FGF14: variants seen among roughly 807,000 people sequenced by gnomAD.
The protein encoded by FGF14 is fibroblast growth factor homologous factor 4.
Under a neutral mutation model 25.5 loss-of-function variants are expected in FGF14, and 5 were observed. The ratio of observed to expected loss-of-function variants is 0.20; its 90% confidence interval spans 0.10 to 0.41. FGF14 has a LOEUF of 0.41. Ranked by LOEUF, FGF14 falls within the 10% of genes least tolerant of loss-of-function variation. FGF14 has a pLI of 1.00. For synonymous variants in FGF14, 138 were observed against 118.3 expected, an observed-to-expected ratio of 1.17 and a Z score of -1.08; for missense variants, 222 against 320.1, an observed-to-expected ratio of 0.69 and a Z score of 2.34.
intron 1 of FGF14, among the ~76,000 whole-genome samples, chr13:102,275,956 C>T (rs1054369797): frequency 4.6e-5 from 7 of 151,898 alleles, no homozygotes; most frequent in African/African-American, 1.7e-4. Flanking sequence ...AGTAAAAAAA[C>T]AAACAAAACA....
chr13:101,764,045 G>A (rs762066081), intron 3 of FGF14, among the ~76,000 whole-genome samples: 1 of 152,172 alleles, frequency 6.6e-6, no homozygotes, highest in Non-Finnish European at 1.5e-5. Flanking sequence ...AACAGCAGCT[G>A]ACCAAAGTGG....
chr13:102,274,314 G>A (rs1415057), intron 1 of FGF14, among the ~76,000 whole-genome samples: 117,979 of 152,196 alleles, frequency 0.78, 46,603 homozygotes, highest in African/African-American at 0.93. Context: ...TCTGAGTGTC[G>A]GAAAGATTTT....
intron 1 of FGF14, among the ~76,000 whole-genome samples, chr13:101,881,459 G>A (rs896879421): frequency 6.6e-6 from 1 of 151,906 alleles, no homozygotes; most frequent in Non-Finnish European, 1.5e-5. Flanking sequence ...CGTGTGCTTT[G>A]GCCTACTAAT....
At chr13:101,758,120 A>G (rs2037778461) in intron 3 of FGF14, among the ~76,000 whole-genome samples, 1 of 152,236 alleles carries the variant, frequency 6.6e-6, no homozygotes, top group Admixed American at 6.5e-5. Flanking sequence ...TAAGCTCAAT[A>G]ATATGCTTAC....
exon 1 of FGF14, chr13:102,401,542 A>G: frequency 6.2e-7 from 1 of 1,614,224 alleles, no homozygotes; most frequent in Non-Finnish European, 8.5e-7. Flanking sequence ...TTTGCTGAAA[A>G]TGTTCCAAAG....
At chr13:101,840,370 A>G (rs2140314908) in intron 3 of FGF14, among the ~76,000 whole-genome samples, 1 of 151,962 alleles carries the variant, frequency 6.6e-6, no homozygotes, top group Middle Eastern at 3.4e-3. Context: ...TTATTTGAAG[A>G]CAACTTTTTC....
At chr13:102,127,362 T>C (rs1345732946) in intron 1 of FGF14, among the ~76,000 whole-genome samples, 2 of 152,190 alleles carry the variant, frequency 1.3e-5, no homozygotes, top group Non-Finnish European at 2.9e-5. Flanking sequence ...TCACTTCCTC[T>C]TTCTGTATGA....
intron 4 of FGF14, among the ~76,000 whole-genome samples, chr13:101,724,597 A>AATTTATATATATATAT (rs1555370377): frequency 8.2e-6 from 1 of 121,286 alleles, no homozygotes; most frequent in Admixed American, 8.4e-5. Context: ...ATAATAATAA[A>AATTTATATATATATAT]ATATATATAT....
At chr13:102,212,999 C>A (rs11069478) in intron 1 of FGF14, among the ~76,000 whole-genome samples, 46,789 of 152,082 alleles carry the variant, frequency 0.31, 7,814 homozygotes, top group Middle Eastern at 0.38. Flanking sequence ...CAGTTGTCAG[C>A]CTTTTTTACA....
intron 1 of FGF14, among the ~76,000 whole-genome samples, chr13:101,977,941 A>AC (rs2038027003): frequency 2.4e-5 from 1 of 41,908 alleles, no homozygotes; most frequent in Admixed American, 3.4e-4. Flanking sequence ...TTCTCAATGT[A>AC]AAAAAAAAAA....
chr13:102,122,364 CCT>C (rs2045764137), intron 1 of FGF14, among the ~76,000 whole-genome samples: 2 of 152,190 alleles, frequency 1.3e-5, no homozygotes, highest in South Asian at 4.1e-4. Flanking sequence ...CTCCACTCCA[CCT>C]CTGACTTTCA....
intron 1 of FGF14, among the ~76,000 whole-genome samples, chr13:102,157,808 C>G (rs916234997): frequency 6.6e-6 from 1 of 152,156 alleles, no homozygotes; most frequent in Non-Finnish European, 1.5e-5. Context: ...CTACAAAGAA[C>G]TCAAACAAAT....
At chr13:101,987,054 C>A (rs1314920332) in intron 1 of FGF14, among the ~76,000 whole-genome samples, 1 of 152,140 alleles carries the variant, frequency 6.6e-6, no homozygotes, top group East Asian at 1.9e-4. Flanking sequence ...TTAGTCCATG[C>A]CATGATTGGA....
At chr13:102,165,582 ACG>A in intron 1 of FGF14, among the ~76,000 whole-genome samples, 1 of 145,580 alleles carries the variant, frequency 6.9e-6, no homozygotes, top group African/African-American at 2.5e-5. Flanking sequence ...ACCAAACACC[ACG>A]AATTCTCACT....
At chr13:102,180,293 G>T (rs1176295465) in intron 1 of FGF14, among the ~76,000 whole-genome samples, 1 of 152,010 alleles carries the variant, frequency 6.6e-6, no homozygotes, top group Non-Finnish European at 1.5e-5. Context: ...GTAATACCAA[G>T]TAAGAGAAGC....
intron 1 of FGF14, among the ~76,000 whole-genome samples, chr13:102,225,710 TC>T (rs2050797859): frequency 6.6e-6 from 1 of 152,224 alleles, no homozygotes; most frequent in African/African-American, 2.4e-5. Context: ...GACTCTCAGC[TC>T]TGCAAAATAT....
chr13:102,130,924 T>C (rs1211434651), intron 1 of FGF14, among the ~76,000 whole-genome samples: 1 of 152,192 alleles, frequency 6.6e-6, no homozygotes, highest in Admixed American at 6.5e-5. Context: ...AGTGTAAATG[T>C]TGCCCAAGAG....
chr13:102,397,519 A>G (rs371054271), intron 1 of FGF14, among the ~76,000 whole-genome samples: 5 of 152,336 alleles, frequency 3.3e-5, no homozygotes, highest in South Asian at 4.1e-4. Flanking sequence ...TGTACTCAAT[A>G]AAATCCTCTT....
chr13:101,785,479 A>T (rs12872187), intron 3 of FGF14, among the ~76,000 whole-genome samples: 6,892 of 152,024 alleles, frequency 0.045, 256 homozygotes, highest in African/African-American at 0.091. Flanking sequence ...ATTATCTAAG[A>T]GCTGGGCAAC....
Sources: gnomAD v4.1 joint callset for allele counts (sites outside exome capture counted in the v4.1 genomes callset) on GRCh38, gnomAD v4.1.1 for gene constraint, MANE v1.5 for transcripts, NCBI Gene and HGNC (gene_info 2026-07-23, HGNC 2026-07-21) for gene names.